The following TBC1D5 variants were observed in gnomAD, a reference collection of about 807,000 sequenced individuals.
TBC1D5 encodes the protein TBC1 domain family member 5.
TBC1D5 carries 75 observed loss-of-function variants against 100.3 expected under a neutral mutation model. The observed-to-expected ratio is 0.75, with a 90% CI of 0.62 to 0.91. The LOEUF is 0.91. Among genes scored for constraint, TBC1D5 ranks in the 40% least tolerant of loss-of-function variants. TBC1D5 has a pLI of 0.00. For synonymous variants in TBC1D5, 323 were observed against 325.6 expected, an observed-to-expected ratio of 0.99 and a Z score of 0.09; for missense variants, 910 against 942.4, an observed-to-expected ratio of 0.97 and a Z score of 0.45.
chr3:17,177,490 T>C (rs7636756), intron 19 of TBC1D5, among the ~76,000 whole-genome samples: 1,880 of 152,086 alleles, frequency 0.012, 34 homozygotes, highest in African/African-American at 0.044. Flanking sequence ...CTGCCCAGAG[T>C]TTAGGTGCAT....
chr3:17,293,864 C>T (rs949984036), intron 14 of TBC1D5, among the ~76,000 whole-genome samples: 1 of 152,222 alleles, frequency 6.6e-6, no homozygotes, highest in Non-Finnish European at 1.5e-5. Context: ...ACTTTACCTA[C>T]ATTATCTCAA....
At chr3:17,215,120 G>C (rs1448095389) in intron 17 of TBC1D5, among the ~76,000 whole-genome samples, 2 of 152,126 alleles carry the variant, frequency 1.3e-5, no homozygotes, top group East Asian at 3.9e-4. Context: ...GATGTCACTA[G>C]AGGGTTTGAG....
At chr3:17,515,702 A>G (rs1018465138) in intron 2 of TBC1D5, among the ~76,000 whole-genome samples, 3 of 152,188 alleles carry the variant, frequency 2.0e-5, no homozygotes, top group Non-Finnish European at 2.9e-5. Context: ...CTTTTCTCGC[A>G]TGCAAGCTGT....
At chr3:17,462,880 C>G (rs940351695) in intron 3 of TBC1D5, among the ~76,000 whole-genome samples, 1 of 152,086 alleles carries the variant, frequency 6.6e-6, no homozygotes, top group African/African-American at 2.4e-5. Context: ...TTACCTTGGT[C>G]ATATTACATT....
intron 1 of TBC1D5, among the ~76,000 whole-genome samples, chr3:17,681,700 G>A (rs528373298): frequency 4.0e-5 from 6 of 151,608 alleles, no homozygotes; most frequent in South Asian, 2.1e-4. Flanking sequence ...TAGATTTCAC[G>A]AAAATGTCAA....
chr3:17,353,872 A>C (rs1351050908), intron 13 of TBC1D5, among the ~76,000 whole-genome samples: 1 of 152,034 alleles, frequency 6.6e-6, no homozygotes, highest in Non-Finnish European at 1.5e-5. Flanking sequence ...AGAGTAATTA[A>C]ATTTTTATTT....
chr3:17,344,270 C>T (rs1385853261), intron 13 of TBC1D5, among the ~76,000 whole-genome samples: 8 of 151,944 alleles, frequency 5.3e-5, no homozygotes, highest in Admixed American at 5.2e-4. Context: ...TATACACCAA[C>T]AACAGACAAA....
chr3:17,541,517 A>G (rs2096357093), intron 2 of TBC1D5, among the ~76,000 whole-genome samples: 1 of 152,090 alleles, frequency 6.6e-6, no homozygotes, highest in African/African-American at 2.4e-5. Context: ...TGAAAATGCA[A>G]TTGCTTTTTG....
chr3:17,379,550 G>GT (rs1575602057), intron 9 of TBC1D5, among the ~76,000 whole-genome samples: 1 of 152,058 alleles, frequency 6.6e-6, no homozygotes, highest in African/African-American at 2.4e-5. Flanking sequence ...AGTGAATGAA[G>GT]TGGGCAAGTT....
At chr3:17,441,712 A>G (rs1348305837) in intron 3 of TBC1D5, among the ~76,000 whole-genome samples, 1 of 152,238 alleles carries the variant, frequency 6.6e-6, no homozygotes, top group Non-Finnish European at 1.5e-5. Flanking sequence ...AAGATATTCT[A>G]AACAGGTATG....
At chr3:17,464,563 T>C (rs965046754) in intron 3 of TBC1D5, among the ~76,000 whole-genome samples, 2 of 152,176 alleles carry the variant, frequency 1.3e-5, no homozygotes, top group African/African-American at 4.8e-5. Context: ...CATAGAGCCC[T>C]AGAAATTCTT....
chr3:17,619,937 A>G (rs1039351395), intron 2 of TBC1D5, among the ~76,000 whole-genome samples: 1 of 152,230 alleles, frequency 6.6e-6, no homozygotes, highest in Non-Finnish European at 1.5e-5. Context: ...TAAAAGATGA[A>G]TGCAAATTAA....
At chr3:17,161,084 A>C in exon 22 of TBC1D5, 2 of 1,614,218 alleles carry the variant, frequency 1.2e-6, no homozygotes, top group Non-Finnish European at 1.7e-6. Context: ...TGAGAACACC[A>C]GTGGGGAGCA....
intron 1 of TBC1D5, among the ~76,000 whole-genome samples, chr3:17,697,640 C>T (rs1358216926): frequency 4.6e-5 from 7 of 152,226 alleles, no homozygotes; most frequent in South Asian, 2.1e-4. Context: ...CCCACGCTCA[C>T]GGATAGGAAG....
intron 1 of TBC1D5, among the ~76,000 whole-genome samples, chr3:17,672,018 C>A (rs766950622): frequency 6.6e-6 from 1 of 152,154 alleles, no homozygotes; most frequent in Non-Finnish European, 1.5e-5. Context: ...AACTGATAGT[C>A]TAACATTCGG....
At chr3:17,467,628 A>G (rs1302039528) in intron 3 of TBC1D5, among the ~76,000 whole-genome samples, 3 of 152,148 alleles carry the variant, frequency 2.0e-5, no homozygotes, top group Non-Finnish European at 4.4e-5. Flanking sequence ...TGGCTCACGC[A>G]TGTAAGGAGG....
chr3:17,363,122 T>C (rs186453499), intron 13 of TBC1D5, among the ~76,000 whole-genome samples: 75 of 152,330 alleles, frequency 4.9e-4, no homozygotes, highest in African/African-American at 1.5e-3. Context: ...CTTCTACTTT[T>C]ATTTTACTTT....
intron 1 of TBC1D5, among the ~76,000 whole-genome samples, chr3:17,692,812 G>A (rs1049697929): frequency 1.3e-5 from 2 of 152,174 alleles, no homozygotes; most frequent in African/African-American, 2.4e-5. Flanking sequence ...TAAAACACAA[G>A]TAGATCAGAA....
chr3:17,161,751 T>A (rs1388860864), intron 21 of TBC1D5, among the ~76,000 whole-genome samples: 1 of 152,254 alleles, frequency 6.6e-6, no homozygotes, highest in Admixed American at 6.5e-5. Flanking sequence ...CTCCCTAATG[T>A]GAGCTGCCAG....
Sources: allele counts gnomAD v4.1 joint callset (sites outside exome capture counted in the v4.1 genomes callset), GRCh38; gene constraint gnomAD v4.1.1; transcripts MANE v1.5; gene names NCBI Gene and HGNC (gene_info 2026-07-23, HGNC 2026-07-21).